The following MMP26 variants were observed in gnomAD, a reference collection of about 807,000 sequenced individuals.
MMP26 encodes the protein matrix metallopeptidase 26, also known as matrix metalloproteinase-26.
In MMP26, 33 loss-of-function variants were observed where a neutral mutation model predicts 31.0. The ratio of observed to expected loss-of-function variants is 1.06; its 90% CI spans 0.81 to 1.42. The LOEUF (loss-of-function observed/expected upper bound fraction) is 1.42. MMP26 is among the 40% of genes most tolerant of loss of function. The pLI is 0.00. For synonymous variants in MMP26, 122 were observed against 114.9 expected (o/e 1.06, Z -0.40); for missense variants, 347 against 316.1 (o/e 1.10, Z -0.74).
At chr11:4,902,399 C>T (rs1393348496) in intron 2 of MMP26, among the ~76,000 whole-genome samples, 1 of 152,134 alleles carries the variant, frequency 6.6e-6, no homozygotes, top group Non-Finnish European at 1.5e-5. Flanking sequence ...TGTTAATTTG[C>T]TCAGGATAAT....
intron 2 of MMP26, chr11:4,876,441 T>G (rs1280331030): frequency 6.6e-6 from 1 of 152,164 alleles, no homozygotes; most frequent in Non-Finnish European, 1.5e-5. Flanking sequence ...AGAATAATAT[T>G]TAAGTTACTT....
In MMP26 at chr11:4,976,235, T is replaced by G. The variant is rs1309438598; in HGVS notation, c.-144-11833T>G. Among the ~76,000 whole-genome samples the G allele has an allele frequency of 2.6e-5, 4 of 152,026 alleles. No individual in the cohort carries two copies. The East Asian group carries it at 7.7e-4, about 29-fold the overall frequency. On this transcript the variant is annotated intron_variant, in intron 2 of 7. Transcript: ENST00000380390. ...ACAGATACAGAATGTCTTTTTAAAA[T>G]GAAGTTAAAATAAAGTTCAGTATTT...
chr11:4,834,068 C>T (rs1233957251), intron 2 of MMP26, among the ~76,000 whole-genome samples: 1 of 152,130 alleles, frequency 6.6e-6, no homozygotes, highest in Non-Finnish European at 1.5e-5. Flanking sequence ...CATCCTGAAG[C>T]CAGGCCCCTC....
chr11:4,986,932 CCTCTCTCT>C (rs1194074123), intron 2 of MMP26, among the ~76,000 whole-genome samples: 99 of 60,422 alleles, frequency 1.6e-3, no homozygotes, highest in African/African-American at 3.9e-3. Flanking sequence ...TCTCTCTCTC[CCTCTCTCT>C]CTCTCTCTCT....
intron 1 of MMP26, among the ~76,000 whole-genome samples, chr11:4,713,037 A>T (rs1021763958): frequency 6.6e-6 from 1 of 152,022 alleles, no homozygotes; most frequent in African/African-American, 2.4e-5. Context: ...GTTCTGTTTG[A>T]GAATGTCTTC....
chr11:4,896,223 T>C (rs1320848732), intron 2 of MMP26, among the ~76,000 whole-genome samples: 3 of 152,154 alleles, frequency 2.0e-5, no homozygotes, highest in African/African-American at 7.2e-5. Context: ...GGTCCTATTT[T>C]ACTTACCATT....
intron 2 of MMP26, among the ~76,000 whole-genome samples, chr11:4,806,529 A>C (rs1162724343): frequency 6.6e-6 from 1 of 152,060 alleles, no homozygotes; most frequent in Admixed American, 6.6e-5. Context: ...GTTTTATCAG[A>C]GACTAGGATT....
intron 2 of MMP26, among the ~76,000 whole-genome samples, chr11:4,968,674 CTTA>C (rs143571479): frequency 1.9e-3 from 296 of 151,932 alleles, no homozygotes; most frequent in African/African-American, 6.8e-3. Flanking sequence ...TTTACAATTT[CTTA>C]TTAAGAGCAG....
intron 1 of MMP26, among the ~76,000 whole-genome samples, chr11:4,751,216 T>A (rs1016670097): frequency 1.5e-4 from 23 of 152,142 alleles, no homozygotes; most frequent in Non-Finnish European, 5.9e-5. Context: ...ATCTACTATG[T>A]GAAAGGTGTT....
chr11:4,773,267 A>G (rs1053007117), intron 2 of MMP26, among the ~76,000 whole-genome samples: 8 of 152,176 alleles, frequency 5.3e-5, no homozygotes, highest in African/African-American at 1.4e-4. Flanking sequence ...TTGACAGGAT[A>G]TCATCACATA....
chr11:4,847,419 A>C (rs1210362982), intron 2 of MMP26: 2 of 152,188 alleles, frequency 1.3e-5, no homozygotes, highest in Non-Finnish European at 2.9e-5. Flanking sequence ...ATTTAAGATT[A>C]TTCTTATTTG....
intron 2 of MMP26, among the ~76,000 whole-genome samples, chr11:4,812,677 C>T (rs776846582): frequency 1.3e-5 from 2 of 152,120 alleles, no homozygotes; most frequent in African/African-American, 4.8e-5. Flanking sequence ...ACATAAGATA[C>T]GCATAGAGTA....
At chr11:4,815,041 A>G (rs1196164242) in intron 2 of MMP26, among the ~76,000 whole-genome samples, 1 of 152,180 alleles carries the variant, frequency 6.6e-6, no homozygotes, top group Non-Finnish European at 1.5e-5. Context: ...TTCAGTCTGG[A>G]AAGGCAGGAC....
intron 2 of MMP26, chr11:4,946,965 T>C: frequency 6.2e-7 from 1 of 1,604,304 alleles, no homozygotes; most frequent in African/African-American, 1.4e-5. Flanking sequence ...AAAAGAATGG[T>C]GCCATTTCCT....
intron 2 of MMP26, among the ~76,000 whole-genome samples, chr11:4,828,172 G>A (rs1849603039): frequency 6.6e-6 from 1 of 152,146 alleles, no homozygotes; most frequent in Admixed American, 6.6e-5. Context: ...TATAAGAATA[G>A]GAATGTGAGG....
chr11:4,917,463 G>T (rs1388393846), intron 2 of MMP26, among the ~76,000 whole-genome samples: 1 of 152,166 alleles, frequency 6.6e-6, no homozygotes. Flanking sequence ...AAGCATTGCT[G>T]ATTCTTTAGC....
chr11:4,958,237 T>C (rs1473227156), intron 2 of MMP26, among the ~76,000 whole-genome samples: 1 of 152,248 alleles, frequency 6.6e-6, no homozygotes, highest in Admixed American at 6.5e-5. Flanking sequence ...CCTTGTGCTC[T>C]GTCCAGAATT....
intron 2 of MMP26, among the ~76,000 whole-genome samples, chr11:4,987,036 A>G (rs1846911012): frequency 6.9e-6 from 1 of 144,090 alleles, no homozygotes; most frequent in Admixed American, 7.3e-5. Context: ...CACGTGCCAC[A>G]TGCTCGGCTA....
At chr11:4,813,439 G>A (rs1051595456) in intron 2 of MMP26, among the ~76,000 whole-genome samples, 3 of 151,228 alleles carry the variant, frequency 2.0e-5, no homozygotes, top group Non-Finnish European at 4.4e-5. Flanking sequence ...GCCCAGCTGG[G>A]CTGCTCTCAA....
Sources: gnomAD v4.1 joint callset for allele counts (sites outside exome capture counted in the v4.1 genomes callset) on GRCh38, gnomAD v4.1.1 for gene constraint, MANE v1.5 for transcripts, NCBI Gene and HGNC (gene_info 2026-07-23, HGNC 2026-07-21) for gene names.